The following PRDM15 variants were observed in gnomAD, a reference collection of about 807,000 sequenced individuals.
The protein encoded by PRDM15 is PR/SET domain 15.
PRDM15 carries 64 observed loss-of-function variants against 128.6 expected under a neutral mutation model. The ratio of observed to expected loss-of-function variants is 0.50; its 90% CI spans 0.41 to 0.61. The LOEUF is 0.61. Among genes scored for constraint, PRDM15 ranks in the 20% least tolerant of loss-of-function variants. The pLI is 0.00. For synonymous variants in PRDM15, 615 were observed against 621.8 expected, an observed-to-expected ratio of 0.99 and a Z score of 0.16; for missense variants, 1,242 against 1,569.1, an observed-to-expected ratio of 0.79 and a Z score of 3.52.
chr21:41,822,945 G>C (rs1044110817), intron 14 of PRDM15, among the ~76,000 whole-genome samples: 1 of 150,146 alleles, frequency 6.7e-6, no homozygotes, highest in African/African-American at 2.5e-5. Context: ...TGAGGCGGGA[G>C]AATCACTTGA....
At chr21:41,875,448 A>G (rs2064379032) in intron 1 of PRDM15, among the ~76,000 whole-genome samples, 1 of 152,260 alleles carries the variant, frequency 6.6e-6, no homozygotes, top group South Asian at 2.1e-4. Flanking sequence ...CTCAGCTGAC[A>G]GTATAAACTG....
At chr21:41,873,126 C>T (rs1387011951) in intron 1 of PRDM15, among the ~76,000 whole-genome samples, 1 of 152,238 alleles carries the variant, frequency 6.6e-6, no homozygotes, top group Admixed American at 6.5e-5. Flanking sequence ...GGTCTGACAG[C>T]AGCTGCATCC....
At position 41,854,950 on chromosome 21, in the gene PRDM15, C is replaced by A. The variant is rs183032265; in HGVS notation, c.286-132G>T. ...GTCAGAGGCCATAAGGGCTCCTGTA[C>A]GGGATGTTGAGGTGTTTACAATAGT... On this transcript the variant is annotated intron_variant, in intron 4 of 23. Coordinates refer to ENST00000398548, the MANE Select transcript of PRDM15 (RefSeq NM_001040424.3). The surrounding 1 kb of genome is among the most constrained non-coding windows in gnomAD (Gnocchi z 4.6). The A allele has an allele frequency of 9.8e-7, 1 of 1,022,450 alleles. No homozygotes were observed. The highest frequency in any genetic ancestry group is 1.4e-6 in the Non-Finnish European group (1 of 717,800). The allele number at this position is 1,022,450 out of a possible 1,614,324, so 63.3% of individuals were successfully genotyped here. A position where few individuals can be genotyped will look rare whatever the true frequency, so the allele number is the denominator to read the frequency against.
Position 41,836,579 on chromosome 21 carries a change from G to A in PRDM15, c.1072C>T (p.Arg358Trp), listed in dbSNP as rs763249641. 9.3e-6 allele frequency: 15 copies of A among 1,613,254 alleles called. No homozygotes were observed. The highest frequency in any genetic ancestry group is 1.3e-5 in the African/African-American group (1 of 74,706). Residue 358 changes from arginine to tryptophan, a missense_variant, in exon 9 of 24, where the codon CGG (arginine) becomes TGG (tryptophan). Coordinates refer to ENST00000398548, the MANE Select transcript of PRDM15 (RefSeq NM_001040424.3). ...SLILSSRHGI[R>W]RKLIKQLGEH... ...CCGAGCTGTTTGATGAGCTTGCGCCGGATGCCGTGTCTGCTTGAGAGAATT... is the reference window on the plus strand; with the variant it reads ...CCGAGCTGTTTGATGAGCTTGCGCCAGATGCCGTGTCTGCTTGAGAGAATT...
At chr21:41,805,889 C>G (rs1182367912) in intron 21 of PRDM15, among the ~76,000 whole-genome samples, 2 of 151,460 alleles carry the variant, frequency 1.3e-5, no homozygotes. Flanking sequence ...CCCCCTCCAT[C>G]ACTATCATTA....
chr21:41,835,562 C>G lies in PRDM15; in HGVS notation c.1279-38G>C, dbSNP rs368701861. 1,462 of 1,563,138 alleles carry G rather than the reference C, an allele frequency of 9.4e-4. 22 individuals carry two copies. In the South Asian group the frequency reaches 0.015, roughly 16 times the overall value. ...ACACGCCGTGAGTGAGATGGCCCAG[C>G]GCAGAGTCCACAGATGCCGAGCCCC... On this transcript the variant is annotated intron_variant, in intron 10 of 23. Coordinates refer to ENST00000398548, the MANE Select transcript of PRDM15 (RefSeq NM_001040424.3).
intron 6 of PRDM15, among the ~76,000 whole-genome samples, chr21:41,845,896 C>T (rs561414876): frequency 8.4e-4 from 128 of 152,236 alleles, no homozygotes; most frequent in African/African-American, 2.8e-3. Flanking sequence ...CTGTGAAGCA[C>T]CTACCATGGG....
chr21:41,838,516 C>T (rs1329896681), intron 7 of PRDM15, among the ~76,000 whole-genome samples: 1 of 152,216 alleles, frequency 6.6e-6, no homozygotes, highest in Non-Finnish European at 1.5e-5. Context: ...ATCGCCAATA[C>T]TGGAGACCCT....
intron 6 of PRDM15, 128 bp downstream of exon 6, chr21:41,846,962 T>C (rs932662935): frequency 6.2e-6 from 4 of 645,874 alleles, no homozygotes; most frequent in African/African-American, 3.7e-5. Flanking sequence ...GCGACTACAT[T>C]GTGGGGCAAT....
In PRDM15 at chr21:41,847,181, G is replaced by A. The variant is rs1489503761; in HGVS notation, c.549C>T (p.Thr183=). ...QAGSGVHAAG[T]PENSAPVESE... is the part of the protein sequence containing the mutation. Reference sequence around the variant, plus strand: ...ACTCCACGGGGGCGCTGTTTTCTGGGGTGCCTGCAGCTTCAAAAGACATGA... The same window carrying A: ...ACTCCACGGGGGCGCTGTTTTCTGGAGTGCCTGCAGCTTCAAAAGACATGA... Residue 183 remains threonine (T), a synonymous_variant, in exon 6 of 24, where the codon ACC becomes ACT. Coordinates refer to ENST00000398548, the MANE Select transcript of PRDM15 (RefSeq NM_001040424.3). 2 of 1,551,954 alleles carry A rather than the reference G, an allele frequency of 1.3e-6. No homozygotes were observed. The highest frequency in any genetic ancestry group is 3.9e-5 in the Admixed American group (2 of 50,834).
rs951372942 is a variant in PRDM15 at position 41,860,663 on chromosome 21, C to T, written c.-9-291G>A. Among the ~76,000 whole-genome samples the T allele has an allele frequency of 3.3e-5, 5 of 152,258 alleles. 1 individual carries two copies. The highest frequency in any genetic ancestry group is 6.8e-3 in the Middle Eastern group (2 of 294). ...GTCTCGATCTCTTGACCTTGTGATC[C>T]GCCTGCCTCGGCCTCTGAAAGTGCT... On this transcript the variant is annotated intron_variant, in intron 1 of 23. Transcript: ENST00000398548.
intron 5 of PRDM15, among the ~76,000 whole-genome samples, chr21:41,853,228 A>G (rs2063482034): frequency 6.6e-6 from 1 of 152,246 alleles, no homozygotes; most frequent in Non-Finnish European, 1.5e-5. Flanking sequence ...GGGATTAGGG[A>G]CAACCAGGGG....
chr21:41,878,936 G>C, intron 1 of PRDM15: 1 of 957,646 alleles, frequency 1.0e-6, no homozygotes, highest in Non-Finnish European at 1.2e-6. Context: ...GGCGGGCGGG[G>C]GGCGCGAGGC....
chr21:41,858,420 A>G (rs2145893099), intron 3 of PRDM15, among the ~76,000 whole-genome samples: 1 of 151,980 alleles, frequency 6.6e-6, no homozygotes, highest in South Asian at 2.1e-4. Flanking sequence ...TTGGGTGCCC[A>G]GAGCACAGGC....
chr21:41,815,745 C>T lies in PRDM15; in HGVS notation c.2352G>A (p.Ala784=), dbSNP rs767622060. 4.4e-5 allele frequency: 71 copies of T among 1,613,940 alleles called. No homozygotes were observed. The highest frequency in any genetic ancestry group is 1.3e-4 in the East Asian group (6 of 44,902). The part of the protein sequence containing the change: ...YECKECHRRF[A]QKVNMLKHCK... ...AGTGCTTGAGCATGTTGACCTTCTG[C>T]GCGAACCTGCGGTGGCACTCCTTGC... The change falls in exon 19 of 24, where the codon GCG becomes GCA. Residue 784 remains alanine, a synonymous_variant. Coordinates refer to ENST00000398548, the MANE Select transcript of PRDM15 (RefSeq NM_001040424.3).
intron 6 of PRDM15, among the ~76,000 whole-genome samples, chr21:41,845,650 G>T (rs1477923677): frequency 1.3e-5 from 2 of 152,050 alleles, no homozygotes; most frequent in Non-Finnish European, 2.9e-5. Context: ...TTGACTCAAG[G>T]AAGTTTCTGG....
At position 41,822,013 on chromosome 21, in the gene PRDM15, G is replaced by C. The variant is rs1239278883; in HGVS notation, c.1786C>G (p.Gln596Glu). The part of the protein sequence containing the change: ...FKDIALMDDH[Q>E]REEFIGKIGI... ...ATCTTGCCGATAAACTCTTCCCTCTGGTGGTCATCCATCAACGCGATGTCC... is the reference window on the plus strand; with the variant it reads ...ATCTTGCCGATAAACTCTTCCCTCTCGTGGTCATCCATCAACGCGATGTCC... The change falls in exon 15 of 24, where the codon CAG becomes GAG. Residue 596 changes from glutamine to glutamate, a missense_variant. Coordinates refer to ENST00000398548, the MANE Select transcript of PRDM15 (RefSeq NM_001040424.3). 1 of 1,614,110 alleles carries C rather than the reference G, an allele frequency of 6.2e-7. No individual in the cohort carries two copies. Among genetic ancestry groups the C allele is most frequent in the South Asian group, 1.1e-5 (1 of 91,090 alleles).
Position 41,802,814 on chromosome 21 carries a change from C to T in PRDM15, c.2841G>A (p.Pro947=), listed in dbSNP as rs748680493. Residue 947 remains proline, a synonymous_variant, in exon 23 of 24, where the codon CCG becomes CCA. Coordinates refer to ENST00000398548, the MANE Select transcript of PRDM15 (RefSeq NM_001040424.3). ...KQKPEEEAGA[P]VPEDATFSEY... ...CGCTGAAGGTGGCGTCCTCGGGCAC[C>T]GGAGCACCCGCCTCCTCTTCTGGCT... 6 of 1,614,062 alleles carry T rather than the reference C, an allele frequency of 3.7e-6. No homozygotes were observed. The East Asian group carries it at 6.7e-5, about 18-fold the overall frequency.
rs751643130 is a variant in PRDM15 at position 41,877,579 on chromosome 21, A to C, written c.-10+1691T>G. On this transcript the variant is annotated intron_variant, in intron 1 of 23. Coordinates refer to ENST00000398548, the MANE Select transcript of PRDM15 (RefSeq NM_001040424.3). ...ACGGGTGGAAGACACAGTTGCCTTA[A>C]ATCTCCCTTCAATCTGCAAAATGGC... 2.0e-5 allele frequency: 3 copies of C among 152,150 alleles called. 1 individual carries two copies. The highest frequency in any genetic ancestry group is 4.4e-5 in the Non-Finnish European group (3 of 68,022). 9.4% of individuals were successfully genotyped at this position (152,150 alleles called of 1,614,324 possible). A position where few individuals can be genotyped will look rare whatever the true frequency, so the allele number is the denominator to read the frequency against.
Sources: allele counts gnomAD v4.1 joint callset (sites outside exome capture counted in the v4.1 genomes callset), GRCh38; gene constraint gnomAD v4.1.1; non-coding constraint Gnocchi (gnomAD v3.1); transcripts MANE v1.5; gene names NCBI Gene and HGNC (gene_info 2026-07-23, HGNC 2026-07-21).